The following CREB3L2 variants were observed in gnomAD, a reference collection of about 807,000 sequenced individuals.
The protein encoded by CREB3L2 is cAMP responsive element binding protein 3 like 2, also known as cyclic AMP-responsive element-binding protein 3-like protein 2.
Under a neutral mutation model 57.2 loss-of-function variants are expected in CREB3L2, and 23 were observed. That is an observed-to-expected ratio of 0.40 (90% confidence interval 0.29 to 0.57). The LOEUF (loss-of-function observed/expected upper bound fraction) is 0.57, where lower values mean the gene tolerates loss of function less well. Ranked by LOEUF, CREB3L2 falls within the 20% of genes least tolerant of loss-of-function variation. CREB3L2 has a pLI of 0.42. For missense variants in CREB3L2, 628 were observed against 634.7 expected (o/e 0.99, Z 0.11); for synonymous variants, 268 against 265.1 (o/e 1.01, Z -0.11).
chr7:137,885,613 G>C, intron 8 of CREB3L2, 111 bp from the exon 9 acceptor site: 1 of 778,446 alleles, frequency 1.3e-6, no homozygotes, highest in South Asian at 1.5e-5. Context: ...CATTTCAACA[G>C]AGCCCCAAGG....
intron 4 of CREB3L2, 97 bp downstream of exon 4, chr7:137,912,894 T>G: frequency 6.4e-7 from 1 of 1,563,932 alleles, no homozygotes; most frequent in Non-Finnish European, 8.7e-7. Context: ...ACAACATCTG[T>G]GGTACAAACT....
chr7:137,914,943 G>C (rs995607104), intron 3 of CREB3L2, among the ~76,000 whole-genome samples: 1 of 151,968 alleles, frequency 6.6e-6, no homozygotes, highest in South Asian at 2.1e-4. Context: ...GCCCAAGCTG[G>C]AGTGCAGTGC....
At chr7:137,970,383 T>C (rs918785074) in intron 1 of CREB3L2, among the ~76,000 whole-genome samples, 1 of 152,230 alleles carries the variant, frequency 6.6e-6, no homozygotes, top group Admixed American at 6.5e-5. Context: ...TTCAGAAAGA[T>C]GGCATGTGCC....
At chr7:137,957,765 G>A (rs1188810591) in intron 1 of CREB3L2, 1 of 1,288,686 alleles carries the variant, frequency 7.8e-7, no homozygotes, top group East Asian at 5.5e-5. Context: ...AAGAAGACTG[G>A]CTGTACAAGA....
intron 1 of CREB3L2, among the ~76,000 whole-genome samples, chr7:137,998,941 C>T (rs896206835): frequency 2.0e-5 from 3 of 152,180 alleles, no homozygotes; most frequent in East Asian, 3.9e-4. Context: ...GTCATCATCT[C>T]TTACCACCCT....
intron 2 of CREB3L2, among the ~76,000 whole-genome samples, chr7:137,916,853 T>G (rs1196339295): frequency 6.6e-6 from 1 of 151,752 alleles, no homozygotes; most frequent in African/African-American, 2.4e-5. Flanking sequence ...AAGCAAATGG[T>G]TGGTAACCAA....
intron 2 of CREB3L2, among the ~76,000 whole-genome samples, chr7:137,919,175 CTTT>C (rs370149890): frequency 5.0e-5 from 7 of 140,924 alleles, no homozygotes; most frequent in Admixed American, 1.4e-4. Flanking sequence ...TCAAAGATAT[CTTT>C]TTTTTTTTTT....
At chr7:137,989,640 A>G (rs1368997951) in intron 1 of CREB3L2, among the ~76,000 whole-genome samples, 4 of 151,988 alleles carry the variant, frequency 2.6e-5, no homozygotes, top group Non-Finnish European at 5.9e-5. Flanking sequence ...CTACATCTCC[A>G]GTCCAGACCT....
At chr7:137,897,149 C>A (rs1799644794) in intron 8 of CREB3L2, among the ~76,000 whole-genome samples, 1 of 152,116 alleles carries the variant, frequency 6.6e-6, no homozygotes, top group African/African-American at 2.4e-5. Context: ...TGTTAATCAG[C>A]CTGATTGTGA....
intron 11 of CREB3L2, among the ~76,000 whole-genome samples, chr7:137,882,171 A>G (rs906519345): frequency 1.3e-4 from 20 of 152,168 alleles, no homozygotes; most frequent in Admixed American, 2.6e-4. Context: ...CCACCACGCC[A>G]GCTCCCCGCT....
rs568312399 is a variant in CREB3L2, at chr7:137,948,304, C to A, written c.103-19938G>T. Among the ~76,000 whole-genome samples, 8 of 152,366 alleles carry A rather than the reference C, an allele frequency of 5.3e-5. No individual in the cohort carries two copies. The East Asian group carries it at 7.7e-4, about 15-fold the overall frequency. ...CATGCTCACTAGTTCATTACTGAAG[C>A]TGGTATTACATCATGCTGAAACTCA... is the stretch of plus-strand genomic sequence containing the variant. On this transcript the variant is annotated intron_variant, in intron 1 of 11. Coordinates refer to ENST00000330387, the MANE Select transcript of CREB3L2 (RefSeq NM_194071.4).
At position 137,966,518 on chromosome 7, in the gene CREB3L2, C is replaced by T. The variant is rs78235423; in HGVS notation, c.102+35086G>A. 8.5e-3 allele frequency among the ~76,000 whole-genome samples: 1,298 copies of T among 152,254 alleles called. 26 individuals carry two copies. Among genetic ancestry groups the T allele is most frequent in the African/African-American group, 0.03 (1,250 of 41,540 alleles). ...CCACGACTCAGATAGAAGGAAAGCT[C>T]AGAATAAGTTAATCTTTTGGATAAA... On this transcript the variant is annotated intron_variant, in intron 1 of 11. Coordinates refer to ENST00000330387, the MANE Select transcript of CREB3L2 (RefSeq NM_194071.4).
At chr7:137,926,703 A>G (rs1474625728) in intron 2 of CREB3L2, among the ~76,000 whole-genome samples, 1 of 152,228 alleles carries the variant, frequency 6.6e-6, no homozygotes, top group Non-Finnish European at 1.5e-5. Flanking sequence ...GTGAACACCA[A>G]CACCAAGAAG....
chr7:137,905,881 G>T (rs756986630), intron 5 of CREB3L2, 33 bp from the exon 6 acceptor site: 1 of 1,559,390 alleles, frequency 6.4e-7, no homozygotes, highest in Non-Finnish European at 8.6e-7. Flanking sequence ...AAGGGTCAAA[G>T]AAAAAGAACT....
At chr7:137,919,417 C>T (rs1256204426) in intron 2 of CREB3L2, among the ~76,000 whole-genome samples, 1 of 152,114 alleles carries the variant, frequency 6.6e-6, no homozygotes, top group African/African-American at 2.4e-5. Context: ...GGTGACCCAC[C>T]CGCCTCAGCC....
chr7:137,880,660 G>C lies in CREB3L2; in HGVS notation c.1488-109C>G. The C allele has an allele frequency of 1.2e-6, 1 of 831,254 alleles. No individual in the cohort carries two copies. The highest frequency in any genetic ancestry group is 2.0e-5 in the Admixed American group (1 of 50,400). The allele number at this position is 831,254 out of a possible 1,614,324, so 51.5% of individuals were successfully genotyped here. A position where few individuals can be genotyped will look rare whatever the true frequency, so the allele number is the denominator to read the frequency against. ...TTCAGGGGTTGCAACTTGGTGAGAC[G>C]GCCTGGGCATGTTTCTTGTCCTTTT... On this transcript the variant is annotated intron_variant, in intron 11 of 11. Coordinates refer to ENST00000330387, the MANE Select transcript of CREB3L2 (RefSeq NM_194071.4). The surrounding 1 kb of genome is among the most constrained non-coding windows in gnomAD (Gnocchi z 4.0).
chr7:138,001,838 T>C lies in CREB3L2; in HGVS notation c.-133A>G. On this transcript the variant is annotated 5_prime_UTR_variant, in exon 1 of 12. Coordinates refer to ENST00000330387, the MANE Select transcript of CREB3L2 (RefSeq NM_194071.4). The surrounding 1 kb of genome is among the most constrained non-coding windows in gnomAD (Gnocchi z 4.2). ...CGCGCGCGTGTCTGTAGTTTTGCAC[T>C]TGGAAAGCAAACGTCTGCTCCTCTG... The C allele has an allele frequency of 1.7e-6, 1 of 578,112 alleles. No homozygotes were observed. Among genetic ancestry groups the C allele is most frequent in the Non-Finnish European group, 2.9e-6 (1 of 348,318 alleles). The allele number at this position is 578,112 out of a possible 1,614,324, so 35.8% of individuals were successfully genotyped here.
At chr7:137,965,389 G>A (rs563579176) in intron 1 of CREB3L2, among the ~76,000 whole-genome samples, 1 of 152,288 alleles carries the variant, frequency 6.6e-6, no homozygotes, top group East Asian at 1.9e-4. Context: ...ACTTTTGCTA[G>A]TTTAAGCATT....
chr7:137,993,743 G>A (rs1801940368), intron 1 of CREB3L2, among the ~76,000 whole-genome samples: 1 of 152,124 alleles, frequency 6.6e-6, no homozygotes, highest in Non-Finnish European at 1.5e-5. Flanking sequence ...CATTTTCCAG[G>A]ACTGCCTCAC....
Sources: gnomAD v4.1 joint callset for allele counts (sites outside exome capture counted in the v4.1 genomes callset) on GRCh38, gnomAD v4.1.1 for gene constraint, Gnocchi (gnomAD v3.1) non-coding constraint, MANE v1.5 for transcripts, NCBI Gene and HGNC (gene_info 2026-07-23, HGNC 2026-07-21) for gene names.